MROH2B: variants seen among roughly 807,000 people sequenced by gnomAD.
MROH2B encodes maestro heat like repeat family member 2B, also known as maestro heat-like repeat-containing protein family member 2B.
Under a neutral mutation model 208.6 loss-of-function variants are expected in MROH2B, and 177 were observed. The observed-to-expected ratio is 0.85, with a 90% CI of 0.75 to 0.96. MROH2B has a LOEUF of 0.96. MROH2B is among the 40% of genes least tolerant of loss of function. The probability of loss-of-function intolerance (pLI) is 0.00; values close to 1 mark genes in which losing one functional copy is unlikely to be tolerated. For missense variants in MROH2B, 2,002 were observed against 1,878.7 expected (o/e 1.07, Z -1.21); for synonymous variants, 728 against 659.0 (o/e 1.10, Z -1.60).
At chr5:41,018,643 A>G in intron 26 of MROH2B, 48 bp downstream of exon 26, 1 of 1,598,728 alleles carries the variant, frequency 6.3e-7, no homozygotes, top group Admixed American at 1.7e-5. Context: ...GACATTGAAG[A>G]ACAGATTAGG....
At chr5:41,029,724 C>A (rs1742500402) in intron 24 of MROH2B, among the ~76,000 whole-genome samples, 1 of 151,978 alleles carries the variant, frequency 6.6e-6, no homozygotes, top group Non-Finnish European at 1.5e-5. Context: ...ACAGTGATTT[C>A]TTGAAACACA....
intron 16 of MROH2B, 73 bp downstream of exon 16, chr5:41,048,251 A>T: frequency 6.7e-7 from 1 of 1,498,298 alleles, no homozygotes; most frequent in Non-Finnish European, 8.9e-7. Flanking sequence ...TAATGGCTTT[A>T]CACAGAGAAA....
chr5:41,005,671 A>G (rs1464019209), intron 34 of MROH2B, 26 bp from the exon 35 acceptor site: 8 of 1,539,222 alleles, frequency 5.2e-6, no homozygotes, highest in Non-Finnish European at 7.1e-6. Flanking sequence ...TTTAGCAGAG[A>G]CATATTTTAC....
intron 35 of MROH2B, chr5:41,005,205 T>G (rs911655162): frequency 1.5e-5 from 8 of 527,142 alleles, no homozygotes; most frequent in Non-Finnish European, 2.7e-5. Context: ...ATAGTTTTCC[T>G]TCTCTGGATT....
Position 40,999,766 on chromosome 5 carries a change from T to C in MROH2B, c.4496A>G (p.Gln1499Arg). Residue 1499 changes from glutamine (Q) to arginine (R), a missense_variant, in exon 40 of 42, where the codon CAG becomes CGG. Gln to Arg is a conservative substitution (Grantham distance 43). Transcript: ENST00000399564. Reference sequence around the variant, plus strand: ...TGTGTGGAGGATCCACAGAATTTCCTGGTTTTTCTTGGCCTAGAAGAGATG... The same window carrying C: ...TGTGTGGAGGATCCACAGAATTTCCCGGTTTTTCTTGGCCTAGAAGAGATG... ...QFCVKLAKKN[Q>R]EILWILHTHS... 1 of 1,613,450 alleles carries C rather than the reference T, an allele frequency of 6.2e-7. No individual in the cohort carries two copies. Among genetic ancestry groups the C allele is most frequent in the Non-Finnish European group, 8.5e-7 (1 of 1,179,514 alleles).
intron 29 of MROH2B, among the ~76,000 whole-genome samples, chr5:41,013,211 A>G (rs1741829140): frequency 6.6e-6 from 1 of 152,218 alleles, no homozygotes; most frequent in Non-Finnish European, 1.5e-5. Flanking sequence ...CAGTGTACAT[A>G]TGGAGTATGG....
chr5:41,015,513 C>A, intron 28 of MROH2B, 35 bp from the exon 29 acceptor site: 1 of 1,593,818 alleles, frequency 6.3e-7, no homozygotes, highest in South Asian at 1.1e-5. Flanking sequence ...TTTAAGTGTT[C>A]AAAGACCTGA....
chr5:41,005,413 A>AACCCCCC, intron 35 of MROH2B, 118 bp downstream of exon 35: 3 of 204,604 alleles, frequency 1.5e-5, no homozygotes, highest in Admixed American at 6.4e-5. Flanking sequence ...CCTCTATGAA[A>AACCCCCC]CCCCCCCCCC....
At chr5:41,040,965 A>T (rs997912994) in intron 19 of MROH2B, among the ~76,000 whole-genome samples, 1 of 152,040 alleles carries the variant, frequency 6.6e-6, no homozygotes, top group Non-Finnish European at 1.5e-5. Context: ...GTGCCCGGCC[A>T]TGATTTATTT....
Position 41,018,114 on chromosome 5 carries a change from G to A in MROH2B, c.2764-144C>T, listed in dbSNP as rs1179855160. The stretch of plus-strand genomic sequence containing the variant: ...GATCTTGCACTTTCTCCTAAAAGAT[G>A]CCTATTTTTAAGGGCAGTGGAGAAG... On this transcript the variant is annotated intron_variant, in intron 27 of 41. Coordinates refer to ENST00000399564, the MANE Select transcript of MROH2B (RefSeq NM_173489.5). 4.0e-6 allele frequency: 5 copies of A among 1,247,866 alleles called. No homozygotes were observed. The East Asian group carries it at 1.3e-4, about 32-fold the overall frequency. 77.3% of individuals were successfully genotyped at this position (1,247,866 alleles called of 1,614,324 possible).
intron 14 of MROH2B, 26 bp from the exon 15 acceptor site, chr5:41,049,167 A>G: frequency 6.2e-7 from 1 of 1,602,850 alleles, no homozygotes; most frequent in Non-Finnish European, 8.5e-7. Context: ...AATTTTCATC[A>G]TCACTGCAGG....
At chr5:41,018,603 T>A in intron 26 of MROH2B, 88 bp downstream of exon 26, 1 of 1,514,392 alleles carries the variant, frequency 6.6e-7, no homozygotes, top group Middle Eastern at 1.8e-4. Context: ...GATGTCTTCA[T>A]GTAAGGAAAA....
rs991006756 is a variant in MROH2B, at chr5:41,018,909, T to A, written c.2551A>T (p.Thr851Ser). The change falls in exon 25 of 42, where the codon ACA (threonine) becomes TCA (serine). Residue 851 changes from threonine (T) to serine (S), a missense_variant. Coordinates refer to ENST00000399564, the MANE Select transcript of MROH2B (RefSeq NM_173489.5). ...PLENLKSEGQTDKDKEHIQFL... is the reference protein window; with the variant it reads ...PLENLKSEGQSDKDKEHIQFL... ...TGAATGTGCTCCTTGTCCTTGTCTG[T>A]CTGGCCTTCACTTTTCAGATTTTCC... 1.2e-6 allele frequency: 2 copies of A among 1,613,814 alleles called. No homozygotes were observed. The highest frequency in any genetic ancestry group is 3.3e-5 in the Admixed American group (2 of 59,930).
In MROH2B at chr5:41,052,422, T is replaced by C. The variant is rs1329837401; in HGVS notation, c.1230+43A>G. ...AAAAGAAACATAGTTGAGCGAACTG[T>C]ACTTTTTATAGTGCATCACTCAAAA... On this transcript the variant is annotated intron_variant, in intron 12 of 41. Transcript: ENST00000399564. 6 of 1,543,100 alleles carry C rather than the reference T, an allele frequency of 3.9e-6. 1 individual carries two copies. The highest frequency in any genetic ancestry group is 5.3e-6 in the Non-Finnish European group (6 of 1,142,174).
At chr5:41,069,820 T>A in intron 1 of MROH2B, 68 bp from the exon 2 acceptor site, 2 of 1,199,730 alleles carry the variant, frequency 1.7e-6, no homozygotes, top group African/African-American at 1.5e-5. Flanking sequence ...TATTTTGTAA[T>A]CAACACAGAA....
chr5:41,058,005 C>T, intron 7 of MROH2B, 58 bp downstream of exon 7: 1 of 1,410,606 alleles, frequency 7.1e-7, no homozygotes, highest in Non-Finnish European at 9.3e-7. Flanking sequence ...ACTTAAAAGC[C>T]TCCCGGAGGG....
At chr5:41,001,678 C>T (rs1000363421) in intron 37 of MROH2B, among the ~76,000 whole-genome samples, 1 of 151,746 alleles carries the variant, frequency 6.6e-6, no homozygotes, top group African/African-American at 2.4e-5. Flanking sequence ...GATCGTGCCA[C>T]TGCATTCCAG....
intron 6 of MROH2B, 89 bp from the exon 7 acceptor site, chr5:41,058,292 A>G (rs1449807789): frequency 1.6e-6 from 2 of 1,283,196 alleles, no homozygotes; most frequent in Non-Finnish European, 2.0e-6. Flanking sequence ...GGTACTCCTG[A>G]AAACTTTCCT....
chr5:41,021,859 G>C (rs1160138491), intron 24 of MROH2B, among the ~76,000 whole-genome samples: 1 of 152,098 alleles, frequency 6.6e-6, no homozygotes, highest in Non-Finnish European at 1.5e-5. Flanking sequence ...CTGGATGACA[G>C]AGTGAGACCC....
Sources: gnomAD v4.1 joint callset for allele counts (sites outside exome capture counted in the v4.1 genomes callset) on GRCh38, gnomAD v4.1.1 for gene constraint, MANE v1.5 for transcripts, NCBI Gene and HGNC (gene_info 2026-07-23, HGNC 2026-07-21) for gene names.